The following MAP3K1 variants were observed in gnomAD, a reference collection of about 807,000 sequenced individuals.
MAP3K1 encodes the protein MAP/ERK kinase kinase 1.
MAP3K1 carries 36 observed loss-of-function variants against 144.2 expected under a neutral mutation model. That is an observed-to-expected ratio of 0.25 (90% confidence interval 0.19 to 0.33). MAP3K1 has a LOEUF of 0.33. MAP3K1 is among the 10% of genes least tolerant of loss of function. The pLI, the probability that MAP3K1 is intolerant of heterozygous loss-of-function variation, is 1.00. For synonymous variants in MAP3K1, 718 were observed against 688.7 expected (o/e 1.04, Z -0.67); for missense variants, 1,650 against 1,881.9 (o/e 0.88, Z 2.28).
At chr5:56,833,890 GT>G (rs948860270) in intron 1 of MAP3K1, among the ~76,000 whole-genome samples, 16 of 152,086 alleles carry the variant, frequency 1.1e-4, no homozygotes, top group Non-Finnish European at 1.9e-4. Flanking sequence ...AGTGAAATAA[GT>G]TAACGAATGC....
intron 1 of MAP3K1, among the ~76,000 whole-genome samples, chr5:56,853,006 A>G (rs1203943128): frequency 6.6e-6 from 1 of 152,200 alleles, no homozygotes; most frequent in Non-Finnish European, 1.5e-5. Flanking sequence ...CAAGTATGTA[A>G]AAAAATTTTT....
At chr5:56,821,953 A>T (rs1481807659) in intron 1 of MAP3K1, among the ~76,000 whole-genome samples, 1 of 152,202 alleles carries the variant, frequency 6.6e-6, no homozygotes, top group East Asian at 1.9e-4. Context: ...TTTAATCATG[A>T]TCTAGCTTAA....
chr5:56,865,799 A>T lies in MAP3K1; in HGVS notation c.1153-30A>T, dbSNP rs368468756. On this transcript the variant is annotated intron_variant, in intron 5 of 19. Transcript: ENST00000399503. The stretch of plus-strand genomic sequence containing the variant: ...TCATATGTATAATTATGGCACAAAT[A>T]TCATTGTTACTGTCTTTTTCCAATG... The T allele has an allele frequency of 2.0e-5, 32 of 1,610,516 alleles. No homozygotes were observed. The African/African-American group carries it at 4.1e-4, about 21-fold the overall frequency.
intron 17 of MAP3K1, among the ~76,000 whole-genome samples, chr5:56,886,560 G>C (rs1445505102): frequency 6.6e-6 from 1 of 152,192 alleles, no homozygotes; most frequent in Non-Finnish European, 1.5e-5. Flanking sequence ...AAGAGAGGCT[G>C]TGCCTTTTCT....
Position 56,836,373 on chromosome 5 carries a change from C to T in MAP3K1, c.483-20227C>T, listed in dbSNP as rs371228225. 3.9e-5 allele frequency among the ~76,000 whole-genome samples: 6 copies of T among 152,068 alleles called. No homozygotes were observed. The East Asian group carries it at 7.7e-4, about 20-fold the overall frequency. ...CTGGTGACATGGGTGTGGCAGTGCA[C>T]GTGGGAAGGTAATTCAGGAATTACC... On this transcript the variant is annotated intron_variant, in intron 1 of 19. Transcript: ENST00000399503.
At chr5:56,818,303 G>C (rs1453512343) in intron 1 of MAP3K1, among the ~76,000 whole-genome samples, 1 of 151,084 alleles carries the variant, frequency 6.6e-6, no homozygotes, top group African/African-American at 2.4e-5. Flanking sequence ...TAAAGTTTTA[G>C]GAAAAAAAAC....
At chr5:56,860,354 G>A (rs1252905951) in intron 3 of MAP3K1, among the ~76,000 whole-genome samples, 1 of 152,130 alleles carries the variant, frequency 6.6e-6, no homozygotes, top group Admixed American at 6.5e-5. Context: ...GATGAAATGG[G>A]ATGCATGCAT....
In MAP3K1 at chr5:56,884,753, T is replaced by C; in HGVS notation, c.3909T>C (p.His1303=). ...EEIRMMSHLN[H]PNIIRMLGAT... The stretch of plus-strand genomic sequence containing the variant: ...TAAGAATGATGAGCCATCTGAATCA[T>C]CCAAACATCATTAGGATGTTGGGAG... The change falls in exon 16 of 20, where the codon CAT becomes CAC. Residue 1303 remains histidine, a synonymous_variant. Transcript: ENST00000399503. 3.1e-6 allele frequency: 5 copies of C among 1,613,786 alleles called. No homozygotes were observed. Among genetic ancestry groups the C allele is most frequent in the Non-Finnish European group, 4.2e-6 (5 of 1,179,810 alleles).
chr5:56,872,853 C>A lies in MAP3K1; in HGVS notation c.1534C>A (p.Pro512Thr), dbSNP rs1450545724. ...SHELSSPVDSPSSLRAAQQQT... is the reference protein window; with the variant it reads ...SHELSSPVDSTSSLRAAQQQT... ...CGAGTTGTCAAGTCCTGTGGATTCC[C>A]CTTCTTCCCTCAGAGCTGCACAGCA... Residue 512 changes from proline to threonine, a missense_variant, in exon 9 of 20, where the codon CCT becomes ACT. Pro to Thr is a conservative substitution (Grantham distance 38). Around this residue, in one of 6 missense-constraint regions of MAP3K1, gnomAD observed 841 missense variants for 886.5 expected, o/e 0.95. Coordinates refer to ENST00000399503, the MANE Select transcript of MAP3K1 (RefSeq NM_005921.2). 1 of 1,614,124 alleles carries A rather than the reference C, an allele frequency of 6.2e-7. No homozygotes were observed. The highest frequency in any genetic ancestry group is 1.1e-5 in the South Asian group (1 of 91,086).
At chr5:56,887,007 C>T (rs1748397100) in intron 17 of MAP3K1, among the ~76,000 whole-genome samples, 1 of 152,192 alleles carries the variant, frequency 6.6e-6, no homozygotes, top group Non-Finnish European at 1.5e-5. Context: ...AAGCGACCCG[C>T]TTGCCTCAGC....
In MAP3K1 at chr5:56,859,739, G is replaced by A. The variant is rs76711380; in HGVS notation, c.658G>A (p.Gly220Arg). 88 of 1,613,948 alleles carry A rather than the reference G, an allele frequency of 5.5e-5. No individual in the cohort carries two copies. Among genetic ancestry groups the A allele is most frequent in the Non-Finnish European group, 7.4e-5 (87 of 1,179,954 alleles). ...GGTGGTAAAACCAATCCCAGTTAAAGGAGATGGATCTGAAATGAATCACTT... is the reference window on the plus strand; with the variant it reads ...GGTGGTAAAACCAATCCCAGTTAAAAGAGATGGATCTGAAATGAATCACTT... Reference protein sequence around the residue: ...PVVVKPIPVKGDGSEMNHLAA... With the variant: ...PVVVKPIPVKRDGSEMNHLAA... The change falls in exon 3 of 20, where the codon GGA (glycine) becomes AGA (arginine). Residue 220 changes from glycine (G) to arginine (R), a missense_variant. Physicochemically the swap from Gly to Arg is moderately radical, Grantham distance 125. Around this residue, in one of 6 missense-constraint regions of MAP3K1, gnomAD observed 148 missense variants for 177.2 expected, o/e 0.84. Transcript: ENST00000399503.
intron 1 of MAP3K1, among the ~76,000 whole-genome samples, chr5:56,830,285 T>G (rs913624979): frequency 6.6e-6 from 1 of 152,202 alleles, no homozygotes; most frequent in Non-Finnish European, 1.5e-5. Context: ...TAAAAACAAA[T>G]TAGTAGACAT....
At position 56,893,666 on chromosome 5, in the gene MAP3K1, C is replaced by T. The variant is rs769426596; in HGVS notation, c.4525C>T (p.Arg1509Cys). Reference protein sequence around the residue: ...SRELLKHPVFRTTW With the variant: ...SRELLKHPVFCTTW ...AGAGCTACTGAAGCATCCAGTCTTT[C>T]GTACTACATGGTAGCCAATTATGCA... is the stretch of plus-strand genomic sequence containing the variant. Residue 1509 changes from arginine (R) to cysteine (C), a missense_variant, in exon 20 of 20, where the codon CGT (arginine) becomes TGT (cysteine). Coordinates refer to ENST00000399503, the MANE Select transcript of MAP3K1 (RefSeq NM_005921.2). 2.4e-5 allele frequency: 39 copies of T among 1,613,876 alleles called. No individual in the cohort carries two copies. The highest frequency in any genetic ancestry group is 7.7e-5 in the South Asian group (7 of 91,070).
intron 1 of MAP3K1, among the ~76,000 whole-genome samples, chr5:56,856,285 C>T (rs935004512): frequency 6.6e-6 from 1 of 152,120 alleles, no homozygotes; most frequent in Non-Finnish European, 1.5e-5. Context: ...TAGTAATACA[C>T]CCTTCTAAAT....
chr5:56,845,310 A>G (rs1746955865), intron 1 of MAP3K1, among the ~76,000 whole-genome samples: 1 of 152,248 alleles, frequency 6.6e-6, no homozygotes, highest in African/African-American at 2.4e-5. Flanking sequence ...GGTAACAAGT[A>G]AACATAGGAG....
intron 1 of MAP3K1, among the ~76,000 whole-genome samples, chr5:56,844,448 G>A (rs1040537380): frequency 1.3e-5 from 2 of 151,940 alleles, no homozygotes; most frequent in Non-Finnish European, 1.5e-5. Context: ...CAAAGTGCTG[G>A]GATTACAGGT....
Position 56,816,096 on chromosome 5 carries a change from C to T in MAP3K1, c.482+41C>T, listed in dbSNP as rs989448397. The T allele has an allele frequency of 2.3e-4, 275 of 1,201,366 alleles. 1 individual carries two copies. The highest frequency in any genetic ancestry group is 2.7e-4 in the Non-Finnish European group (259 of 969,048). The allele number at this position is 1,201,366 out of a possible 1,614,324, so 74.4% of individuals were successfully genotyped here. A position where few individuals can be genotyped will look rare whatever the true frequency, so the allele number is the denominator to read the frequency against. ...GGGGTCGCGGCGGGGACTTGGAGAG[C>T]GGGCAGAGGGCAATGAATGAACCCC... On this transcript the variant is annotated intron_variant, in intron 1 of 19. Coordinates refer to ENST00000399503, the MANE Select transcript of MAP3K1 (RefSeq NM_005921.2).
intron 1 of MAP3K1, chr5:56,816,968 T>A: frequency 1.8e-6 from 1 of 560,350 alleles, no homozygotes; most frequent in Non-Finnish European, 2.3e-6. Context: ...CCGCAGCCCC[T>A]CCGGCTTGGC....
At chr5:56,832,054 C>G (rs1343377872) in intron 1 of MAP3K1, among the ~76,000 whole-genome samples, 1 of 152,168 alleles carries the variant, frequency 6.6e-6, no homozygotes, top group Admixed American at 6.5e-5. Context: ...CCATTACTGT[C>G]CTAACACTTT....
Sources: allele counts gnomAD v4.1 joint callset (sites outside exome capture counted in the v4.1 genomes callset), GRCh38; gene constraint gnomAD v4.1.1; regional missense constraint gnomAD v4.1.1; transcripts MANE v1.5; gene names NCBI Gene and HGNC (gene_info 2026-07-23, HGNC 2026-07-21).